Variants in RSRC1 observed in about 807,000 individuals in gnomAD.
RSRC1 encodes serine/Arginine-related protein 53.
In RSRC1, 39 loss-of-function variants were observed where a neutral mutation model predicts 49.1. The observed-to-expected ratio is 0.79, with a 90% CI of 0.61 to 1.04. The LOEUF is 1.04. RSRC1 is among the 50% of genes least tolerant of loss of function. The pLI, the probability that RSRC1 is intolerant of heterozygous loss-of-function variation, is 0.00. For missense variants in RSRC1, 388 were observed against 402.4 expected (o/e 0.96, Z 0.31); for synonymous variants, 143 against 130.8 (o/e 1.09, Z -0.63).
intron 3 of RSRC1, among the ~76,000 whole-genome samples, chr3:158,154,329 G>A (rs1048919988): frequency 2.0e-5 from 3 of 152,200 alleles, no homozygotes; most frequent in Non-Finnish European, 4.4e-5. Flanking sequence ...TCATGGTGGC[G>A]GTTGCTGAAG....
intron 4 of RSRC1, among the ~76,000 whole-genome samples, chr3:158,236,641 G>C (rs1250173765): frequency 1.3e-5 from 2 of 152,042 alleles, no homozygotes; most frequent in Non-Finnish European, 2.9e-5. Context: ...TGCATGTATT[G>C]GTAGTTTATT....
intron 6 of RSRC1, among the ~76,000 whole-genome samples, chr3:158,364,063 T>C (rs1415051204): frequency 1.3e-5 from 2 of 152,228 alleles, no homozygotes; most frequent in African/African-American, 4.8e-5. Context: ...TAGTTGCCTA[T>C]TAAGTACCTG....
At chr3:158,453,041 T>C (rs973213170) in intron 6 of RSRC1, among the ~76,000 whole-genome samples, 8 of 152,222 alleles carry the variant, frequency 5.3e-5, no homozygotes, top group African/African-American at 1.9e-4. Context: ...ATTTAATATT[T>C]GTCTTGAAAA....
chr3:158,306,080 A>G (rs1312429437), intron 5 of RSRC1, among the ~76,000 whole-genome samples: 1 of 151,876 alleles, frequency 6.6e-6, no homozygotes, highest in Non-Finnish European at 1.5e-5. Flanking sequence ...TTATATCCTT[A>G]CCCTTTTAAA....
intron 4 of RSRC1, among the ~76,000 whole-genome samples, chr3:158,248,006 C>T (rs547743035): frequency 2.8e-4 from 43 of 152,260 alleles, no homozygotes; most frequent in African/African-American, 8.4e-4. Context: ...CCACCCAATG[C>T]GACTATCTGG....
intron 6 of RSRC1, among the ~76,000 whole-genome samples, chr3:158,456,895 G>T (rs1737357435): frequency 6.6e-6 from 1 of 152,110 alleles, no homozygotes; most frequent in Non-Finnish European, 1.5e-5. Context: ...GTTGTATGAA[G>T]GGTTTTAAAT....
At chr3:158,282,516 C>T (rs891944767) in intron 4 of RSRC1, among the ~76,000 whole-genome samples, 7 of 152,058 alleles carry the variant, frequency 4.6e-5, no homozygotes, top group Admixed American at 4.6e-4. Flanking sequence ...GTGATGTTGA[C>T]AATAATTAGT....
At chr3:158,323,334 T>C (rs1578335571) in intron 5 of RSRC1, among the ~76,000 whole-genome samples, 2 of 152,152 alleles carry the variant, frequency 1.3e-5, no homozygotes, top group East Asian at 3.9e-4. Flanking sequence ...GGTTAGTAAA[T>C]GATTTGGGCA....
At chr3:158,464,925 T>G (rs917976189) in intron 7 of RSRC1, among the ~76,000 whole-genome samples, 2 of 152,132 alleles carry the variant, frequency 1.3e-5, no homozygotes, top group East Asian at 3.9e-4. Context: ...TTTCCCTCTT[T>G]AAATAGCCTG....
chr3:158,229,414 GTGTA>G (rs141992350), intron 4 of RSRC1, among the ~76,000 whole-genome samples: 11,674 of 147,126 alleles, frequency 0.079, 579 homozygotes, highest in South Asian at 0.13. Flanking sequence ...ACACGTATAT[GTGTA>G]TGTATGTATG....
intron 5 of RSRC1, among the ~76,000 whole-genome samples, chr3:158,323,587 C>T (rs1451531300): frequency 1.3e-5 from 2 of 152,124 alleles, no homozygotes; most frequent in African/African-American, 4.8e-5. Context: ...TACCCTGAAC[C>T]AAGTCTACCA....
chr3:158,467,379 A>G (rs1323593606), intron 7 of RSRC1, among the ~76,000 whole-genome samples: 1 of 152,228 alleles, frequency 6.6e-6, no homozygotes, highest in East Asian at 1.9e-4. Flanking sequence ...ATCCTGTGTG[A>G]CCTTAGGTAG....
chr3:158,430,514 C>T (rs1387884768), intron 6 of RSRC1, among the ~76,000 whole-genome samples: 1 of 151,834 alleles, frequency 6.6e-6, no homozygotes, highest in Non-Finnish European at 1.5e-5. Flanking sequence ...AAAGGGGAAA[C>T]TGGTGTCCAG....
chr3:158,329,299 G>C (rs1023937959), intron 5 of RSRC1, among the ~76,000 whole-genome samples: 1 of 152,188 alleles, frequency 6.6e-6, no homozygotes, highest in Non-Finnish European at 1.5e-5. Context: ...TTCCTTTGGA[G>C]GGGGAGAGGT....
chr3:158,413,869 G>A (rs570365600), intron 6 of RSRC1, among the ~76,000 whole-genome samples: 19 of 152,166 alleles, frequency 1.2e-4, no homozygotes, highest in East Asian at 1.2e-3. Flanking sequence ...AAATAGGAAC[G>A]CTTTCACACT....
At position 158,129,687 on chromosome 3, in the gene RSRC1, T is replaced by C. The variant is rs140109395; in HGVS notation, c.320+5696T>C. On this transcript the variant is annotated intron_variant, in intron 3 of 9. Transcript: ENST00000611884. Reference sequence around the variant, plus strand: ...CTCTATTTCTGGATTGTTTATTTGGTTCCATTCCTTTGTCTGTTTTTATAC... The same window carrying C: ...CTCTATTTCTGGATTGTTTATTTGGCTCCATTCCTTTGTCTGTTTTTATAC... 3.7e-3 allele frequency among the ~76,000 whole-genome samples: 566 copies of C among 152,320 alleles called. 6 individuals carry two copies. The highest frequency in any genetic ancestry group is 0.013 in the African/African-American group (538 of 41,572).
chr3:158,458,784 T>G (rs1737474920), intron 6 of RSRC1, among the ~76,000 whole-genome samples: 1 of 152,180 alleles, frequency 6.6e-6, no homozygotes, highest in African/African-American at 2.4e-5. Context: ...TATCCCTGTT[T>G]GTAAAATGGG....
At chr3:158,450,798 T>C (rs1736986788) in intron 6 of RSRC1, among the ~76,000 whole-genome samples, 1 of 151,820 alleles carries the variant, frequency 6.6e-6, no homozygotes. Flanking sequence ...CCGTGGCCTA[T>C]TATGCTTTTT....
At chr3:158,202,079 A>G (rs1160472283) in intron 3 of RSRC1, among the ~76,000 whole-genome samples, 1 of 152,096 alleles carries the variant, frequency 6.6e-6, no homozygotes. Flanking sequence ...CAGTGGTGCA[A>G]TCTGGGCTCA....
Sources: allele counts gnomAD v4.1 joint callset (sites outside exome capture counted in the v4.1 genomes callset), GRCh38; gene constraint gnomAD v4.1.1; transcripts MANE v1.5; gene names NCBI Gene and HGNC (gene_info 2026-07-23, HGNC 2026-07-21).